PTH1R: variants seen among roughly 807,000 people sequenced by gnomAD.
PTH1R encodes the protein parathyroid hormone 1 receptor.
In PTH1R, 32 loss-of-function variants were observed where a neutral mutation model predicts 70.7. The observed-to-expected ratio is 0.45, with a 90% CI of 0.34 to 0.61. PTH1R has a LOEUF of 0.61. Among genes scored for constraint, PTH1R ranks in the 20% least tolerant of loss-of-function variants. The pLI is 0.01. For missense variants in PTH1R, 626 were observed against 792.5 expected, an observed-to-expected ratio of 0.79 and a Z score of 2.52; for synonymous variants, 329 against 324.8, an observed-to-expected ratio of 1.01 and a Z score of -0.14.
chr3:46,883,413 C>A lies in PTH1R; in HGVS notation c.-48-99C>A. The stretch of plus-strand genomic sequence containing the variant: ...CTCAGCGCATGGGCCCCGCGCCGGG[C>A]CCCGGGGCCTCGGGCCGCCGGGACG... On this transcript the variant is annotated intron_variant, in intron 2 of 15. Coordinates refer to ENST00000449590, the MANE Select transcript of PTH1R (RefSeq NM_000316.3). The surrounding 1 kb of genome is among the most constrained non-coding windows in gnomAD (Gnocchi z 6.4). The A allele has an allele frequency of 2.5e-6, 1 of 404,410 alleles. No homozygotes were observed. Among genetic ancestry groups the A allele is most frequent in the Non-Finnish European group, 3.6e-6 (1 of 274,548 alleles). The allele number at this position is 404,410 out of a possible 1,614,324, so 25.1% of individuals were successfully genotyped here.
rs73831404 is a variant in PTH1R at position 46,901,719 on chromosome 3, G to T, written c.1117-47G>T. ...GGCCGTGGCTGCCAGGCCTTGCCCC[G>T]CCCCACTAGGGTGCAGCCTCCAGAC... On this transcript the variant is annotated intron_variant, in intron 12 of 15. Coordinates refer to ENST00000449590, the MANE Select transcript of PTH1R (RefSeq NM_000316.3). The surrounding 1 kb of genome is among the most constrained non-coding windows in gnomAD (Gnocchi z 7.3). 1 of 1,578,422 alleles carries T rather than the reference G, an allele frequency of 6.3e-7. No homozygotes were observed. Among genetic ancestry groups the T allele is most frequent in the Non-Finnish European group, 8.7e-7 (1 of 1,148,054 alleles).
At position 46,903,077 on chromosome 3, in the gene PTH1R, C is replaced by A; in HGVS notation, c.1396-193C>A. The A allele has an allele frequency of 8.7e-7, 1 of 1,144,928 alleles. No individual in the cohort carries two copies. The highest frequency in any genetic ancestry group is 1.3e-6 in the Non-Finnish European group (1 of 792,658). The allele number at this position is 1,144,928 out of a possible 1,614,324, so 70.9% of individuals were successfully genotyped here. A position where few individuals can be genotyped will look rare whatever the true frequency, so the allele number is the denominator to read the frequency against. On this transcript the variant is annotated intron_variant, in intron 15 of 15. Coordinates refer to ENST00000449590, the MANE Select transcript of PTH1R (RefSeq NM_000316.3). The surrounding 1 kb of genome is among the most constrained non-coding windows in gnomAD (Gnocchi z 4.4). ...TCAGCCACCTTTGGGGCAATTTGAG[C>A]CTTGTAGATTCTGGGTGTGTCGGCT...
rs2030772339 is a variant in PTH1R at position 46,883,356 on chromosome 3, G to A, written c.-48-156G>A. ...CTGTCCCTCCCTCCCTCCCTCCTTTGCGCTGCTCGCTCGCTCGCTCGCTCG... is the reference window on the plus strand; with the variant it reads ...CTGTCCCTCCCTCCCTCCCTCCTTTACGCTGCTCGCTCGCTCGCTCGCTCG... On this transcript the variant is annotated intron_variant, in intron 2 of 15. Transcript: ENST00000449590. This position sits in a 1 kb window ranked among gnomAD's most constrained non-coding sequence, Gnocchi z 6.4. 2 of 129,096 alleles carry A rather than the reference G, an allele frequency of 1.5e-5. No homozygotes were observed. The highest frequency in any genetic ancestry group is 5.7e-5 in the African/African-American group (2 of 35,302). 8.0% of individuals were successfully genotyped at this position (129,096 alleles called of 1,614,324 possible). A position where few individuals can be genotyped will look rare whatever the true frequency, so the allele number is the denominator to read the frequency against.
chr3:46,901,126 CT>C lies in PTH1R; in HGVS notation c.1049+42del, dbSNP rs751031969. The C allele has an allele frequency of 6.4e-7, 1 of 1,553,806 alleles. No individual in the cohort carries two copies. The highest frequency in any genetic ancestry group is 8.7e-7 in the Non-Finnish European group (1 of 1,146,666). On this transcript the variant is annotated intron_variant, in intron 11 of 15. Transcript: ENST00000449590. The surrounding 1 kb of genome is among the most constrained non-coding windows in gnomAD (Gnocchi z 7.3). ...GAAGGGGCCCAGGCAAGAAGCACCC[CT>C]GGGTCCCTTTTCTTCCAGGAAGCAT...
rs948474461 is a variant in PTH1R, at chr3:46,884,482, C to T, written c.75+848C>T. On this transcript the variant is annotated intron_variant, in intron 3 of 15. Transcript: ENST00000449590. This position sits in a 1 kb window ranked among gnomAD's most constrained non-coding sequence, Gnocchi z 4.8. ...CACAGAGTGGGCAGCACCTCCTCCT[C>T]CTGGGCCAGGGTCTGGGGCCCACTT... Among the ~76,000 whole-genome samples, 1 of 152,222 alleles carries T rather than the reference C, an allele frequency of 6.6e-6. No homozygotes were observed. The highest frequency in any genetic ancestry group is 2.4e-5 in the African/African-American group (1 of 41,460).
rs140651831 is a variant in PTH1R, at chr3:46,899,472, G to A, written c.988+16G>A. 1.8e-3 allele frequency: 2,899 copies of A among 1,606,218 alleles called. 8 individuals are homozygous for A. The highest frequency in any genetic ancestry group is 2.3e-3 in the Non-Finnish European group (2,678 of 1,175,864). Reference sequence around the variant, plus strand: ...TTCGGCTGGGGTACGCGGGCACAGCGGGTAGCGAGGTGCCGGCAGGGGTGG... The same window carrying A: ...TTCGGCTGGGGTACGCGGGCACAGCAGGTAGCGAGGTGCCGGCAGGGGTGG... On this transcript the variant is annotated intron_variant, in intron 10 of 15. Coordinates refer to ENST00000449590, the MANE Select transcript of PTH1R (RefSeq NM_000316.3).
At chr3:46,886,105 C>T (rs2031002641) in intron 3 of PTH1R, among the ~76,000 whole-genome samples, 1 of 152,138 alleles carries the variant, frequency 6.6e-6, no homozygotes, top group Non-Finnish European at 1.5e-5. Context: ...AAGTGATAGA[C>T]CCACAGATTG....
intron 3 of PTH1R, among the ~76,000 whole-genome samples, chr3:46,888,163 A>G (rs927765552): frequency 2.0e-5 from 3 of 152,192 alleles, no homozygotes; most frequent in Non-Finnish European, 4.4e-5. Context: ...TGGATAGGTG[A>G]AAATGGTGTC....
chr3:46,889,768 G>A (rs2031283626), intron 3 of PTH1R, among the ~76,000 whole-genome samples: 1 of 152,128 alleles, frequency 6.6e-6, no homozygotes, highest in African/African-American at 2.4e-5. Flanking sequence ...TAAGTGGTGG[G>A]TATGGACTAA....
intron 4 of PTH1R, among the ~76,000 whole-genome samples, chr3:46,895,063 CA>C (rs66702283): frequency 0.11 from 5,638 of 52,806 alleles, 228 homozygotes; most frequent in African/African-American, 0.15. Context: ...GACCTTGTCT[CA>C]AAAAAAAAAA....
Position 46,897,837 on chromosome 3 carries a change from G to C in PTH1R, c.314-18G>C, listed in dbSNP as rs1375023507. The C allele has an allele frequency of 6.2e-7, 1 of 1,610,428 alleles. No individual in the cohort carries two copies. Among genetic ancestry groups the C allele is most frequent in the African/African-American group, 1.3e-5 (1 of 74,840 alleles). ...ACTCTCCCTTGGTATCCCCTACCCT[G>C]TCTGTCTCTGGGCACAGGGCGCCCC... is the stretch of plus-strand genomic sequence containing the variant. On this transcript the variant is annotated intron_variant, in intron 5 of 15. Transcript: ENST00000449590.
At chr3:46,894,157 G>C in intron 4 of PTH1R, 148 bp downstream of exon 4, 1 of 765,690 alleles carries the variant, frequency 1.3e-6, no homozygotes, top group Non-Finnish European at 2.1e-6. Context: ...GAACCAAAGT[G>C]GGGTGCGTGG....
chr3:46,901,780 C>A lies in PTH1R; in HGVS notation c.1131C>A (p.Leu377=). ...ILASIVLNFI[L]FINIVRVLAT... ...CACTCCCACAGCTCAACTTCATCCT[C>A]TTCATCAATATCGTCCGGGTGCTCG... Residue 377 remains leucine (L), a synonymous_variant, in exon 13 of 16, where the codon CTC becomes CTA. Coordinates refer to ENST00000449590, the MANE Select transcript of PTH1R (RefSeq NM_000316.3). The surrounding 1 kb of genome is among the most constrained non-coding windows in gnomAD (Gnocchi z 7.3). 6.2e-7 allele frequency: 1 copy of A among 1,614,096 alleles called. No homozygotes were observed. Among genetic ancestry groups the A allele is most frequent in the East Asian group, 2.2e-5 (1 of 44,882 alleles).
intron 3 of PTH1R, among the ~76,000 whole-genome samples, chr3:46,886,154 G>T (rs2031006135): frequency 6.6e-6 from 1 of 152,158 alleles, no homozygotes. Flanking sequence ...CCTTGAGGAT[G>T]CGTCCTCCTA....
At chr3:46,890,557 G>A (rs2031355147) in intron 3 of PTH1R, among the ~76,000 whole-genome samples, 1 of 136,622 alleles carries the variant, frequency 7.3e-6, no homozygotes, top group South Asian at 2.3e-4. Flanking sequence ...AGGCTAGAGT[G>A]CAATGGCGCG....
Position 46,902,437 on chromosome 3 carries a change from G to T in PTH1R, c.1212-89G>T. The T allele has an allele frequency of 6.4e-7, 1 of 1,554,856 alleles. No individual in the cohort carries two copies. The highest frequency in any genetic ancestry group is 8.7e-7 in the Non-Finnish European group (1 of 1,147,122). ...GAGCCCTGGGCCCCTTTGAGCTTCC[G>T]GAGCCTGGGGCTCGCAGGGTGGGGG... On this transcript the variant is annotated intron_variant, in intron 13 of 15. Transcript: ENST00000449590. The surrounding 1 kb of genome is among the most constrained non-coding windows in gnomAD (Gnocchi z 5.4).
intron 10 of PTH1R, among the ~76,000 whole-genome samples, chr3:46,899,972 G>A (rs796528445): frequency 6.6e-6 from 1 of 152,226 alleles, no homozygotes; most frequent in African/African-American, 2.4e-5. Context: ...CAGCACCTCT[G>A]CAGAATGGGT....
rs1020934964 is a variant in PTH1R at position 46,893,090 on chromosome 3, T to C, written c.76-817T>C. 1.3e-5 allele frequency among the ~76,000 whole-genome samples: 2 copies of C among 152,080 alleles called. No homozygotes were observed. The highest frequency in any genetic ancestry group is 6.5e-5 in the Admixed American group (1 of 15,280). ...GCATGATATTTCATTTCCTTTCTTA[T>C]AATGAGGCCAGTGAGTCCCGGTGGG... On this transcript the variant is annotated intron_variant, in intron 3 of 15. Coordinates refer to ENST00000449590, the MANE Select transcript of PTH1R (RefSeq NM_000316.3). The surrounding 1 kb of genome is among the most constrained non-coding windows in gnomAD (Gnocchi z 5.2).
intron 4 of PTH1R, among the ~76,000 whole-genome samples, chr3:46,894,326 C>T (rs2031611408): frequency 6.6e-6 from 1 of 152,066 alleles, no homozygotes; most frequent in Non-Finnish European, 1.5e-5. Flanking sequence ...GGAGAGGAGC[C>T]GCTTCCTCCC....
Sources: allele counts gnomAD v4.1 joint callset (sites outside exome capture counted in the v4.1 genomes callset), GRCh38; gene constraint gnomAD v4.1.1; non-coding constraint Gnocchi (gnomAD v3.1); transcripts MANE v1.5; gene names NCBI Gene and HGNC (gene_info 2026-07-23, HGNC 2026-07-21).